MACF1: variants seen among roughly 807,000 people sequenced by gnomAD.
MACF1 encodes microtubule-actin cross-linking factor 1.
MACF1 carries 193 observed loss-of-function variants against 854.8 expected under a neutral mutation model. The observed-to-expected ratio is 0.23, with a 90% CI of 0.20 to 0.25. The LOEUF (loss-of-function observed/expected upper bound fraction) is 0.25, where lower values mean the gene tolerates loss of function less well. MACF1 is among the 10% of genes least tolerant of loss of function. The pLI, the probability that MACF1 is intolerant of heterozygous loss-of-function variation, is 1.00. For missense variants in MACF1, 7,722 were observed against 8,929.1 expected, an observed-to-expected ratio of 0.86 and a Z score of 5.45; for synonymous variants, 3,185 against 3,226.7, an observed-to-expected ratio of 0.99 and a Z score of 0.44.
chr1:39,333,683 G>A lies in MACF1; in HGVS notation c.7095G>A (p.Met2365Ile), dbSNP rs200522838. 14 of 1,614,148 alleles carry A rather than the reference G, an allele frequency of 8.7e-6. No homozygotes were observed. The East Asian group carries it at 3.1e-4, about 36-fold the overall frequency. The change falls in exon 37 of 101, where the codon ATG becomes ATA. Residue 2365 changes from methionine to isoleucine, a missense_variant. By Grantham distance (10) the Met-to-Ile change is conservative. Around this residue, in one of 15 missense-constraint regions of MACF1, gnomAD observed 1,531 missense variants for 1,601.6 expected, o/e 0.96. Coordinates refer to ENST00000564288, the MANE Select transcript of MACF1 (RefSeq NM_001394062.1). ...AGAAATTATTACATAATGTCCTCAT[G>A]GCAGACAAAGCTATAAGTGGTGTCT... is the stretch of plus-strand genomic sequence containing the variant. ...MDEKLLHNVLMADKAISGVLD... is the reference protein window; with the variant it reads ...MDEKLLHNVLIADKAISGVLD...
rs540439542 is a variant in MACF1, at chr1:39,394,586, G to A, written c.15816+5928G>A. Among the ~76,000 whole-genome samples, 3 of 152,168 alleles carry A rather than the reference G, an allele frequency of 2.0e-5. No individual in the cohort carries two copies. In the East Asian group the frequency reaches 5.8e-4, roughly 29 times the overall value. On this transcript the variant is annotated intron_variant, in intron 58 of 100. Coordinates refer to ENST00000564288, the MANE Select transcript of MACF1 (RefSeq NM_001394062.1). ...TGCAGTGAGCCGAGATCGCACCACT[G>A]CACTCCAGCCTGGGTGTCAGAAAGA...
chr1:39,442,719 A>C lies in MACF1; in HGVS notation c.19110A>C (p.Leu6370=). The change falls in exon 78 of 101, where the codon CTA becomes CTC. Residue 6370 remains leucine (L), a synonymous_variant. Transcript: ENST00000564288. ...TGTTGTTCAACATGTTTTAGGTCCT[A>C]AAAAATGATGTTTTGGCTCATCAAG... is the stretch of plus-strand genomic sequence containing the variant. ...IEVELAKHHV[L]KNDVLAHQAT... The C allele has an allele frequency of 1.2e-6, 2 of 1,613,690 alleles. No individual in the cohort carries two copies. Among genetic ancestry groups the C allele is most frequent in the Non-Finnish European group, 1.7e-6 (2 of 1,179,988 alleles).
intron 2 of MACF1, among the ~76,000 whole-genome samples, chr1:39,181,785 G>C (rs570520211): frequency 5.9e-5 from 9 of 152,252 alleles, no homozygotes; most frequent in Non-Finnish European, 1.2e-4. Context: ...TGATAAAGGT[G>C]CCAAGACAAT....
chr1:39,118,912 A>T (rs1256254200), intron 2 of MACF1, among the ~76,000 whole-genome samples: 1 of 152,076 alleles, frequency 6.6e-6, no homozygotes, highest in African/African-American at 2.4e-5. Context: ...TTATTTTCTG[A>T]CTTATAAAGA....
chr1:39,133,522 C>CT (rs1404174034), intron 2 of MACF1, among the ~76,000 whole-genome samples: 1 of 151,808 alleles, frequency 6.6e-6, no homozygotes, highest in Non-Finnish European at 1.5e-5. Flanking sequence ...CCTCGTCCTC[C>CT]TCCTCATCCT....
At chr1:39,296,557 C>T (rs963167110) in intron 20 of MACF1, among the ~76,000 whole-genome samples, 1 of 151,636 alleles carries the variant, frequency 6.6e-6, no homozygotes, top group African/African-American at 2.4e-5. Flanking sequence ...TGGTGAAACC[C>T]CTTCTCTATT....
intron 6 of MACF1, 141 bp from the exon 7 acceptor site, chr1:39,282,067 G>A: frequency 1.6e-6 from 1 of 632,176 alleles, no homozygotes; most frequent in Non-Finnish European, 2.6e-6. Flanking sequence ...GCAAGAGGGG[G>A]AATATATGTT....
intron 66 of MACF1, among the ~76,000 whole-genome samples, chr1:39,431,341 C>T (rs1266839457): frequency 6.6e-6 from 1 of 152,150 alleles, no homozygotes; most frequent in African/African-American, 2.4e-5. Flanking sequence ...AAAATAGAAC[C>T]TTCTCAGTAA....
intron 2 of MACF1, among the ~76,000 whole-genome samples, chr1:39,164,350 G>A (rs1643863413): frequency 6.6e-6 from 1 of 152,188 alleles, no homozygotes; most frequent in South Asian, 2.1e-4. Context: ...GAGGCTATCT[G>A]TAACACTGAA....
intron 2 of MACF1, among the ~76,000 whole-genome samples, chr1:39,180,989 T>C (rs1193299636): frequency 6.6e-6 from 1 of 152,216 alleles, no homozygotes; most frequent in African/African-American, 2.4e-5. Flanking sequence ...CACTGCAGCC[T>C]CTGCCTCCCG....
intron 80 of MACF1, 60 bp from the exon 81 acceptor site, chr1:39,447,372 T>G: frequency 6.4e-7 from 1 of 1,555,150 alleles, no homozygotes; most frequent in Admixed American, 1.8e-5. Flanking sequence ...TCGCTGAGCC[T>G]ATAATTCCTG....
chr1:39,328,925 C>T (rs543408180), intron 36 of MACF1, among the ~76,000 whole-genome samples: 29 of 152,272 alleles, frequency 1.9e-4, no homozygotes, highest in Non-Finnish European at 3.5e-4. Context: ...TCAATGTCAG[C>T]ATTTTTGAGA....
In MACF1 at chr1:39,387,300, T is replaced by G; in HGVS notation, c.14458T>G (p.Cys4820Gly). 6.2e-7 allele frequency: 1 copy of G among 1,614,214 alleles called. No homozygotes were observed. The highest frequency in any genetic ancestry group is 8.5e-7 in the Non-Finnish European group (1 of 1,180,040). Residue 4820 changes from cysteine (C) to glycine (G), a missense_variant, in exon 58 of 101, where the codon TGC (cysteine) becomes GGC (glycine). Physicochemically the swap from Cys to Gly is radical, Grantham distance 159. Coordinates refer to ENST00000564288, the MANE Select transcript of MACF1 (RefSeq NM_001394062.1). ...TAAACAAAGCCAGCAAGCAAAAAACTGCCCAATTTCTGCAAAATTGGAGCG... is the reference window on the plus strand; with the variant it reads ...TAAACAAAGCCAGCAAGCAAAAAACGGCCCAATTTCTGCAAAATTGGAGCG... ...DDKQSQQAKN[C>G]PISAKLERLQ...
chr1:39,123,629 C>G (rs1642777610), intron 2 of MACF1, among the ~76,000 whole-genome samples: 1 of 151,720 alleles, frequency 6.6e-6, no homozygotes, highest in African/African-American at 2.4e-5. Context: ...GCCTCAATCT[C>G]CCCGGGCTCA....
chr1:39,386,703 T>C (rs960329942), intron 57 of MACF1, among the ~76,000 whole-genome samples: 1 of 152,200 alleles, frequency 6.6e-6, no homozygotes, highest in Non-Finnish European at 1.5e-5. Context: ...GTGCTGGGAT[T>C]ACAGGCGTGA....
At chr1:39,089,053 A>G (rs1446534767) in intron 2 of MACF1, among the ~76,000 whole-genome samples, 1 of 152,180 alleles carries the variant, frequency 6.6e-6, no homozygotes, top group Non-Finnish European at 1.5e-5. Flanking sequence ...TCCCTTCTGC[A>G]TGGAACTCAG....
chr1:39,099,405 C>T (rs932619736), intron 2 of MACF1, among the ~76,000 whole-genome samples: 3 of 152,208 alleles, frequency 2.0e-5, no homozygotes, highest in African/African-American at 7.2e-5. Flanking sequence ...GATCTGCCCG[C>T]CCTGGCCTCC....
chr1:39,317,100 A>C (rs1646426118), intron 28 of MACF1, 114 bp from the exon 29 acceptor site: 1 of 1,069,406 alleles, frequency 9.4e-7, no homozygotes, highest in South Asian at 1.5e-5. Context: ...CCAGGGCACA[A>C]TCACATATAC....
chr1:39,297,888 C>A, intron 21 of MACF1, 143 bp downstream of exon 21: 1 of 913,748 alleles, frequency 1.1e-6, no homozygotes, highest in Non-Finnish European at 1.6e-6. Context: ...AGAGTTTAAT[C>A]GATGTTGTTC....
Sources: allele counts gnomAD v4.1 joint callset (sites outside exome capture counted in the v4.1 genomes callset), GRCh38; gene constraint gnomAD v4.1.1; regional missense constraint gnomAD v4.1.1; transcripts MANE v1.5; gene names NCBI Gene and HGNC (gene_info 2026-07-23, HGNC 2026-07-21).